The following ESRP1 variants were observed in gnomAD, a reference collection of about 807,000 sequenced individuals.
ESRP1 encodes RNA-binding motif protein 35A.
A neutral mutation model predicts 81.7 loss-of-function variants in ESRP1; 33 were observed. That is an observed-to-expected ratio of 0.40 (90% confidence interval 0.31 to 0.54). The LOEUF (loss-of-function observed/expected upper bound fraction) is 0.54. Among genes scored for constraint, ESRP1 ranks in the 20% least tolerant of loss-of-function variants. The probability of loss-of-function intolerance (pLI) is 0.41; values close to 1 mark genes in which losing one functional copy is unlikely to be tolerated. For missense variants in ESRP1, 672 were observed against 833.1 expected, an observed-to-expected ratio of 0.81 and a Z score of 2.38; for synonymous variants, 320 against 303.3, an observed-to-expected ratio of 1.06 and a Z score of -0.57.
chr8:94,671,194 C>T (rs773111309), intron 10 of ESRP1, among the ~76,000 whole-genome samples: 4 of 152,156 alleles, frequency 2.6e-5, no homozygotes, highest in Non-Finnish European at 4.4e-5. Flanking sequence ...GTGGTGTACA[C>T]CTCACAGTGT....
chr8:94,669,122 C>A (rs969814866), intron 10 of ESRP1, among the ~76,000 whole-genome samples: 3 of 152,154 alleles, frequency 2.0e-5, no homozygotes, highest in African/African-American at 7.2e-5. Context: ...GAGGCAATCA[C>A]TTCCTCAAAA....
intron 13 of ESRP1, among the ~76,000 whole-genome samples, chr8:94,689,762 C>G (rs1809299658): frequency 6.7e-6 from 1 of 148,688 alleles, no homozygotes; most frequent in African/African-American, 2.5e-5. Context: ...ATTCTCGTGC[C>G]TCAGCCTCCC....
chr8:94,654,551 C>T (rs1448626448), intron 4 of ESRP1, among the ~76,000 whole-genome samples: 3 of 152,084 alleles, frequency 2.0e-5, no homozygotes, highest in African/African-American at 7.2e-5. Context: ...TGTTGGAAAT[C>T]CTTCTGTGTG....
chr8:94,705,543 C>G (rs1287972309), intron 15 of ESRP1: 2 of 158,706 alleles, frequency 1.3e-5, no homozygotes, highest in African/African-American at 4.8e-5. Context: ...AAAATTTTGT[C>G]TAAATTGTTT....
At chr8:94,699,017 C>G (rs563613515) in intron 15 of ESRP1, among the ~76,000 whole-genome samples, 1 of 152,106 alleles carries the variant, frequency 6.6e-6, no homozygotes, top group Non-Finnish European at 1.5e-5. Flanking sequence ...TTGTTCTAGC[C>G]TGTTGATATC....
At chr8:94,694,806 A>G (rs1171689916) in intron 14 of ESRP1, among the ~76,000 whole-genome samples, 1 of 152,238 alleles carries the variant, frequency 6.6e-6, no homozygotes, top group African/African-American at 2.4e-5. Flanking sequence ...AACCAGAAAC[A>G]TAACGATTGT....
chr8:94,683,916 C>T (rs965657597), intron 13 of ESRP1, among the ~76,000 whole-genome samples: 5 of 152,194 alleles, frequency 3.3e-5, no homozygotes, highest in Non-Finnish European at 7.3e-5. Flanking sequence ...GGCGCGATCT[C>T]AGCTCACCAC....
intron 13 of ESRP1, among the ~76,000 whole-genome samples, chr8:94,682,794 T>C (rs1278867015): frequency 1.3e-5 from 2 of 150,252 alleles, no homozygotes; most frequent in African/African-American, 4.9e-5. Context: ...CCATTGTCTT[T>C]CTTGGGGTAA....
chr8:94,696,486 A>G (rs1165362010), intron 14 of ESRP1, among the ~76,000 whole-genome samples: 1 of 152,206 alleles, frequency 6.6e-6, no homozygotes, highest in African/African-American at 2.4e-5. Context: ...GGCTTATTGT[A>G]CAATCCCTTG....
chr8:94,656,918 T>C (rs1474476528), intron 4 of ESRP1, among the ~76,000 whole-genome samples: 1 of 152,216 alleles, frequency 6.6e-6, no homozygotes, highest in African/African-American at 2.4e-5. Flanking sequence ...TTTAGGTAAT[T>C]GGGAAGGATA....
At chr8:94,705,117 A>G (rs2722877) in intron 15 of ESRP1, among the ~76,000 whole-genome samples, 9,082 of 147,772 alleles carry the variant, frequency 0.061, 901 homozygotes, top group African/African-American at 0.21. Flanking sequence ...TCACAGGCAT[A>G]TAGAGCCCAT....
chr8:94,669,064 C>T (rs1819172829), intron 10 of ESRP1, among the ~76,000 whole-genome samples: 1 of 152,124 alleles, frequency 6.6e-6, no homozygotes, highest in Non-Finnish European at 1.5e-5. Flanking sequence ...GAATTACAGG[C>T]ATGAGCCACC....
Position 94,646,169 on chromosome 8 carries a change from A to C in ESRP1, c.377A>C (p.Asn126Thr). ...ATTATCTACCTTGTCCTTCCTCAGA[A>C]TGTACTATTACCTGAATGCTTCTAT... ...QILHPEASKK[N>T]VLLPECFYSF... Residue 126 changes from asparagine to threonine, a missense_variant and splice_region_variant, in exon 4 of 16, where the codon AAT becomes ACT. By Grantham distance (65) the Asn-to-Thr change is moderately conservative (BLOSUM62 0). Coordinates refer to ENST00000433389, the MANE Select transcript of ESRP1 (RefSeq NM_017697.4). The C allele has an allele frequency of 1.3e-6, 2 of 1,581,916 alleles. No individual in the cohort carries two copies. The highest frequency in any genetic ancestry group is 1.7e-6 in the Non-Finnish European group (2 of 1,153,882).
Position 94,641,966 on chromosome 8 carries a change from T to C in ESRP1, c.143T>C (p.Leu48Ser), listed in dbSNP as rs1325290242. 1 of 1,613,878 alleles carries C rather than the reference T, an allele frequency of 6.2e-7. No homozygotes were observed. Among genetic ancestry groups the C allele is most frequent in the Non-Finnish European group, 8.5e-7 (1 of 1,179,802 alleles). The change falls in exon 2 of 16, where the codon TTG (leucine) becomes TCG (serine). Residue 48 changes from leucine to serine, a missense_variant. Leu to Ser is a moderately radical substitution (Grantham distance 145). Transcript: ENST00000433389. The stretch of plus-strand genomic sequence containing the variant: ...TCTCTACCTTCGGAGGTGGGACAGT[T>C]GCACGAAGTGCTAGTTAGACCGGAT... The part of the protein sequence containing the change: ...VDLANKKVGQ[L>S]HEVLVRPDQL...
chr8:94,692,680 C>A lies in ESRP1; in HGVS notation c.1824C>A (p.Pro608=). The A allele has an allele frequency of 6.2e-7, 1 of 1,613,384 alleles. No individual in the cohort carries two copies. The highest frequency in any genetic ancestry group is 1.1e-5 in the South Asian group (1 of 91,006). The change falls in exon 14 of 16, where the codon CCC becomes CCA. Residue 608 remains proline, a synonymous_variant. Transcript: ENST00000433389. ...ACTGTGCTTTCTCTCCCTTTAGCCCCCCAGGTTCGCCTAATAGTCTTGGCT... is the reference window on the plus strand; with the variant it reads ...ACTGTGCTTTCTCTCCCTTTAGCCCACCAGGTTCGCCTAATAGTCTTGGCT... ...FMNYTAYYPS[P]PGSPNSLGYF...
At chr8:94,658,235 C>T (rs1027627463) in intron 4 of ESRP1, among the ~76,000 whole-genome samples, 3 of 152,104 alleles carry the variant, frequency 2.0e-5, no homozygotes, top group Non-Finnish European at 4.4e-5. Context: ...AGTTCTACAA[C>T]TGTTTGGTTT....
At chr8:94,703,040 G>A (rs1484473767) in intron 15 of ESRP1, among the ~76,000 whole-genome samples, 1 of 150,180 alleles carries the variant, frequency 6.7e-6, no homozygotes, top group Non-Finnish European at 1.5e-5. Context: ...GTCTGCAGTT[G>A]TAATTCTCAA....
At chr8:94,673,376 TGTTA>T (rs1365876142) in intron 11 of ESRP1, among the ~76,000 whole-genome samples, 1 of 152,218 alleles carries the variant, frequency 6.6e-6, no homozygotes, top group Admixed American at 6.5e-5. Flanking sequence ...GCCTTGAGGA[TGTTA>T]GGTTTCCATC....
intron 9 of ESRP1, among the ~76,000 whole-genome samples, chr8:94,666,805 A>G (rs1819038399): frequency 1.3e-5 from 2 of 152,208 alleles, no homozygotes; most frequent in Admixed American, 6.5e-5. Flanking sequence ...GGTTTTACCT[A>G]AATCCTGACA....
Sources: gnomAD v4.1 joint callset for allele counts (sites outside exome capture counted in the v4.1 genomes callset) on GRCh38, gnomAD v4.1.1 for gene constraint, MANE v1.5 for transcripts, NCBI Gene and HGNC (gene_info 2026-07-23, HGNC 2026-07-21) for gene names.